Variants in MLIP observed in about 807,000 individuals in gnomAD.
MLIP encodes muscular LMNA interacting protein.
MLIP carries 79 observed loss-of-function variants against 84.8 expected under a neutral mutation model. That is an observed-to-expected ratio of 0.93 (90% CI 0.78 to 1.12). The LOEUF is 1.12. Among genes scored for constraint, MLIP ranks in the 50% most tolerant of loss-of-function variants. The pLI is 0.00. For missense variants in MLIP, 1,257 were observed against 1,160.6 expected, an observed-to-expected ratio of 1.08 and a Z score of -1.21; for synonymous variants, 504 against 463.0, an observed-to-expected ratio of 1.09 and a Z score of -1.14.
At chr6:54,104,527 G>A (rs1214764178) in intron 1 of MLIP, among the ~76,000 whole-genome samples, 2 of 152,092 alleles carry the variant, frequency 1.3e-5, no homozygotes, top group Admixed American at 1.3e-4. Context: ...CTGTGCCACT[G>A]AATATGTTGC....
At chr6:54,196,754 A>G (rs940695394) in intron 10 of MLIP, among the ~76,000 whole-genome samples, 5 of 152,090 alleles carry the variant, frequency 3.3e-5, no homozygotes, top group Admixed American at 1.3e-4. Context: ...TAGATGTTGG[A>G]GATACAAGAG....
chr6:54,126,971 A>T (rs1337486345), intron 3 of MLIP, among the ~76,000 whole-genome samples: 1 of 151,986 alleles, frequency 6.6e-6, no homozygotes, highest in African/African-American at 2.4e-5. Context: ...TTCTATCTAC[A>T]TCTTTTACCT....
chr6:54,025,574 A>G (rs934124334), intron 1 of MLIP, among the ~76,000 whole-genome samples: 25 of 152,256 alleles, frequency 1.6e-4, no homozygotes, highest in African/African-American at 5.8e-4. Flanking sequence ...GCATTACATC[A>G]TTTATTTTGG....
rs189585142 is a variant in MLIP, at chr6:54,128,934, T to C, written c.645+4069T>C. Among the ~76,000 whole-genome samples, 760 of 152,122 alleles carry C rather than the reference T, an allele frequency of 5.0e-3. 4 individuals are homozygous for C. The highest frequency in any genetic ancestry group is 8.4e-3 in the Non-Finnish European group (568 of 67,974). On this transcript the variant is annotated intron_variant, in intron 3 of 13. Coordinates refer to ENST00000502396, the MANE Select transcript of MLIP (RefSeq NM_001281747.2). The stretch of plus-strand genomic sequence containing the variant: ...TCTGAGATGGCAGCATTGTTTTTTT[T>C]TGGAGGGGGGGCACAAAGTCAGGAA...
chr6:54,213,734 A>AAAAAAAAAAAACAAAAAAC lies in MLIP; in HGVS notation c.2718+11503_2718+11504insAAAAAAAAACAAAAAACAA, dbSNP rs368508685. Among the ~76,000 whole-genome samples, 6 of 82,366 alleles carry AAAAAAAAAAAACAAAAAAC rather than the reference A, an allele frequency of 7.3e-5. 1 individual carries two copies. Among genetic ancestry groups the AAAAAAAAAAAACAAAAAAC allele is most frequent in the Non-Finnish European group, 1.2e-4 (5 of 42,150 alleles). The allele number at this position is 82,366 out of a possible 152,430, so 54.0% of individuals were successfully genotyped here. A position where few individuals can be genotyped will look rare whatever the true frequency, so the allele number is the denominator to read the frequency against. On this transcript the variant is annotated intron_variant, in intron 11 of 13. Coordinates refer to ENST00000502396, the MANE Select transcript of MLIP (RefSeq NM_001281747.2). ...AAAAAAAAAAAAAAAAAAAAAAAAA[A>AAAAAAAAAAAACAAAAAAC]AACAACAAACAGCATATCTTGTATG...
rs139463168 is a variant in MLIP at position 54,167,634 on chromosome 6, T to C, written c.2500-1894T>C. Among the ~76,000 whole-genome samples, 89 of 152,030 alleles carry C rather than the reference T, an allele frequency of 5.9e-4. 1 individual carries two copies. Among genetic ancestry groups the C allele is most frequent in the African/African-American group, 2.0e-3 (83 of 41,538 alleles). On this transcript the variant is annotated intron_variant, in intron 8 of 13. Coordinates refer to ENST00000502396, the MANE Select transcript of MLIP (RefSeq NM_001281747.2). ...TGTGTATCTGAATCTGATTGTATGCTAGATATCCTATTTGAAAATTTCTTA... is the reference window on the plus strand; with the variant it reads ...TGTGTATCTGAATCTGATTGTATGCCAGATATCCTATTTGAAAATTTCTTA...
intron 1 of MLIP, among the ~76,000 whole-genome samples, chr6:54,105,853 G>A (rs1768971418): frequency 6.6e-6 from 1 of 152,132 alleles, no homozygotes; most frequent in Admixed American, 6.6e-5. Context: ...TGGAGTTGAA[G>A]GAGAAAAGGG....
intron 1 of MLIP, among the ~76,000 whole-genome samples, chr6:54,054,090 C>T (rs145300513): frequency 6.6e-6 from 1 of 152,294 alleles, no homozygotes; most frequent in Non-Finnish European, 1.5e-5. Flanking sequence ...GGCATATGTA[C>T]AAGTTTGCTT....
At chr6:54,042,169 G>A (rs1561886160) in intron 1 of MLIP, among the ~76,000 whole-genome samples, 1 of 152,104 alleles carries the variant, frequency 6.6e-6, no homozygotes, top group African/African-American at 2.4e-5. Context: ...AACAGCCTAT[G>A]CAATTTTTGG....
intron 11 of MLIP, among the ~76,000 whole-genome samples, chr6:54,221,223 T>C (rs1165168639): frequency 1.3e-5 from 2 of 152,118 alleles, no homozygotes; most frequent in Non-Finnish European, 2.9e-5. Context: ...AACCAACTCA[T>C]ACCCCAAACC....
upstream of MLIP, among the ~76,000 whole-genome samples, chr6:54,107,312 A>G (rs1463375035): frequency 6.6e-6 from 1 of 152,224 alleles, no homozygotes; most frequent in African/African-American, 2.4e-5. Context: ...ATACTACTAT[A>G]AGCAGTAATA....
At chr6:54,158,763 A>C (rs964313471) in intron 5 of MLIP, among the ~76,000 whole-genome samples, 1 of 152,132 alleles carries the variant, frequency 6.6e-6, no homozygotes, top group Admixed American at 6.6e-5. Flanking sequence ...GCTGAAATTC[A>C]GAACGTTTAT....
At chr6:54,093,129 A>G (rs1447424171) in intron 1 of MLIP, among the ~76,000 whole-genome samples, 1 of 151,984 alleles carries the variant, frequency 6.6e-6, no homozygotes, top group Non-Finnish European at 1.5e-5. Flanking sequence ...TGCCTGCCTC[A>G]GCGTCCCAAA....
intron 4 of MLIP, among the ~76,000 whole-genome samples, chr6:54,139,913 G>A (rs1456402451): frequency 6.6e-6 from 1 of 151,980 alleles, no homozygotes; most frequent in African/African-American, 2.4e-5. Context: ...TAATTTTGGG[G>A]TCATTTAAAA....
intron 1 of MLIP, among the ~76,000 whole-genome samples, chr6:54,085,983 T>G (rs1342081622): frequency 6.6e-6 from 1 of 152,180 alleles, no homozygotes; most frequent in Non-Finnish European, 1.5e-5. Context: ...AGGCCCTTTG[T>G]ATTCTCTCCC....
intron 12 of MLIP, among the ~76,000 whole-genome samples, chr6:54,232,689 T>C (rs1781086795): frequency 6.6e-6 from 1 of 152,186 alleles, no homozygotes. Context: ...TATCAGGACT[T>C]TTTCTTTTTA....
chr6:54,178,045 C>T (rs997503506), intron 9 of MLIP, among the ~76,000 whole-genome samples: 3 of 151,994 alleles, frequency 2.0e-5, no homozygotes, highest in African/African-American at 7.2e-5. Flanking sequence ...ACATTGGGGC[C>T]TCTCGGGAGG....
Position 54,251,108 on chromosome 6 carries a change from A to G in MLIP, c.2923-6200A>G, listed in dbSNP as rs75482620. On this transcript the variant is annotated intron_variant, in intron 12 of 13. Transcript: ENST00000502396. ...CAAATATGTGGTAAATGATCTAACT[A>G]TACAACTCCAGTGTATCTGAATTGA... Among the ~76,000 whole-genome samples, 622 of 152,172 alleles carry G rather than the reference A, an allele frequency of 4.1e-3. 5 individuals are homozygous for G. Among genetic ancestry groups the G allele is most frequent in the African/African-American group, 0.014 (585 of 41,530 alleles).
chr6:54,186,867 T>A (rs914316895), intron 9 of MLIP, among the ~76,000 whole-genome samples: 1 of 152,146 alleles, frequency 6.6e-6, no homozygotes, highest in South Asian at 2.1e-4. Flanking sequence ...CCTAAAGTTC[T>A]TGTAGAACAT....
Sources: allele counts gnomAD v4.1 joint callset (sites outside exome capture counted in the v4.1 genomes callset), GRCh38; gene constraint gnomAD v4.1.1; transcripts MANE v1.5; gene names NCBI Gene and HGNC (gene_info 2026-07-23, HGNC 2026-07-21).